Variants in ANGPT1 observed in about 807,000 individuals in gnomAD.
ANGPT1 encodes the protein angiopoietin 1, also known as angiopoietin-1.
Under a neutral mutation model 62.2 loss-of-function variants are expected in ANGPT1, and 17 were observed. The ratio of observed to expected loss-of-function variants is 0.27; its 90% confidence interval spans 0.19 to 0.41. ANGPT1 has a LOEUF of 0.41. Among genes scored for constraint, ANGPT1 ranks in the 10% least tolerant of loss-of-function variants. The pLI, the probability that ANGPT1 is intolerant of heterozygous loss-of-function variation, is 1.00. For missense variants in ANGPT1, 478 were observed against 594.9 expected, an observed-to-expected ratio of 0.80 and a Z score of 2.04; for synonymous variants, 199 against 198.9, an observed-to-expected ratio of 1.00 and a Z score of 0.00.
chr8:107,406,612 G>C (rs562474930), intron 1 of ANGPT1, among the ~76,000 whole-genome samples: 40 of 151,868 alleles, frequency 2.6e-4, no homozygotes, highest in Non-Finnish European at 5.0e-4. Context: ...GTAGTCTTTC[G>C]AGTCTCATAT....
At chr8:107,392,703 C>T (rs1423853939) in intron 1 of ANGPT1, among the ~76,000 whole-genome samples, 3 of 152,106 alleles carry the variant, frequency 2.0e-5, no homozygotes. Flanking sequence ...CTGTTCTTCT[C>T]ACAAATTATT....
chr8:107,489,800 G>A (rs1308724113), intron 1 of ANGPT1, among the ~76,000 whole-genome samples: 1 of 152,082 alleles, frequency 6.6e-6, no homozygotes, highest in Non-Finnish European at 1.5e-5. Context: ...AGACCATGGG[G>A]CCAAAACCAA....
chr8:107,332,040 C>T (rs553725934), intron 3 of ANGPT1, among the ~76,000 whole-genome samples: 6 of 152,250 alleles, frequency 3.9e-5, no homozygotes, highest in African/African-American at 1.2e-4. Context: ...GTTGACCAAA[C>T]CTTTCGACTA....
intron 4 of ANGPT1, among the ~76,000 whole-genome samples, chr8:107,306,655 C>A (rs554408071): frequency 2.0e-5 from 3 of 151,998 alleles, no homozygotes; most frequent in South Asian, 4.2e-4. Context: ...AGTGTCAGCA[C>A]CAGTGATAAG....
chr8:107,363,560 C>T lies in ANGPT1; in HGVS notation c.298-16463G>A, dbSNP rs1332150426. 5.8e-4 allele frequency among the ~76,000 whole-genome samples: 89 copies of T among 152,188 alleles called. 1 individual carries two copies. Among genetic ancestry groups the T allele is most frequent in the Non-Finnish European group, 1.5e-5 (1 of 68,036 alleles). Reference sequence around the variant, plus strand: ...TAGCTGTGTGACTTTGAGCAAGTTGCTTTCCCTCTCTGTGCTTTAGCTTCT... The same window carrying T: ...TAGCTGTGTGACTTTGAGCAAGTTGTTTTCCCTCTCTGTGCTTTAGCTTCT... On this transcript the variant is annotated intron_variant, in intron 1 of 8. Coordinates refer to ENST00000517746, the MANE Select transcript of ANGPT1 (RefSeq NM_001146.5).
intron 4 of ANGPT1, among the ~76,000 whole-genome samples, chr8:107,317,923 G>A (rs1326639167): frequency 6.6e-6 from 1 of 152,068 alleles, no homozygotes; most frequent in Admixed American, 6.6e-5. Context: ...GAGCCACCGC[G>A]CCTGGCCAAC....
chr8:107,389,891 T>G (rs550326072), intron 1 of ANGPT1, among the ~76,000 whole-genome samples: 1 of 152,120 alleles, frequency 6.6e-6, no homozygotes, highest in East Asian at 1.9e-4. Flanking sequence ...CTGTACATTC[T>G]TCATTCTTAC....
chr8:107,409,051 A>G (rs1389291549), intron 1 of ANGPT1, among the ~76,000 whole-genome samples: 2 of 148,050 alleles, frequency 1.4e-5, no homozygotes, highest in Admixed American at 6.7e-5. Flanking sequence ...AGTAAAAATG[A>G]TCATAGACAA....
intron 1 of ANGPT1, among the ~76,000 whole-genome samples, chr8:107,394,847 C>T (rs546556510): frequency 5.3e-5 from 8 of 152,162 alleles, no homozygotes; most frequent in Admixed American, 2.0e-4. Flanking sequence ...ATTAAAGCAA[C>T]GTGGAACATT....
intron 1 of ANGPT1, among the ~76,000 whole-genome samples, chr8:107,375,582 G>T (rs1816514220): frequency 1.3e-5 from 2 of 152,168 alleles, no homozygotes; most frequent in Non-Finnish European, 2.9e-5. Flanking sequence ...AACCACAGGA[G>T]ACAGACCTGA....
At chr8:107,299,680 ATATT>A (rs1332666605) in intron 5 of ANGPT1, among the ~76,000 whole-genome samples, 3 of 136,570 alleles carry the variant, frequency 2.2e-5, no homozygotes, top group African/African-American at 7.9e-5. Context: ...GTTATATAGT[ATATT>A]TAGATACATA....
chr8:107,359,592 T>C (rs1816117533), intron 1 of ANGPT1, among the ~76,000 whole-genome samples: 1 of 152,186 alleles, frequency 6.6e-6, no homozygotes, highest in African/African-American at 2.4e-5. Context: ...TTCCATTGAA[T>C]AGACAAGATA....
chr8:107,497,444 C>T lies in ANGPT1; in HGVS notation c.115G>A (p.Gly39Arg). ...SGRRYNRIQH[G>R]QCAYTFILPE... ...AGAATGAAAGTGTAGGCACATTGCC[C>T]ATGTTGAATCCGGTTATATCTTCTC... Residue 39 changes from glycine to arginine, a missense_variant, in exon 1 of 9, where the codon GGG becomes AGG. Around this residue, in one of 4 missense-constraint regions of ANGPT1, gnomAD observed 343 missense variants for 355.4 expected, o/e 0.97. Transcript: ENST00000517746. The T allele has an allele frequency of 1.2e-6, 2 of 1,614,106 alleles. No individual in the cohort carries two copies. The highest frequency in any genetic ancestry group is 2.2e-5 in the East Asian group (1 of 44,862).
intron 1 of ANGPT1, among the ~76,000 whole-genome samples, chr8:107,370,340 AAAAGAAAGAAAG>A (rs71308727): frequency 0.012 from 650 of 54,410 alleles, 58 homozygotes; most frequent in African/African-American, 0.039. Context: ...GAAAGAAAGA[AAAAGAAAGAAAG>A]AAAGAAAGAA....
intron 7 of ANGPT1, among the ~76,000 whole-genome samples, chr8:107,273,522 G>T (rs1813789000): frequency 6.6e-6 from 1 of 151,922 alleles, no homozygotes; most frequent in East Asian, 1.9e-4. Context: ...GCACAGTAAA[G>T]CCCTGCATAC....
intron 1 of ANGPT1, among the ~76,000 whole-genome samples, chr8:107,438,577 A>G (rs1811394604): frequency 6.6e-6 from 1 of 152,196 alleles, no homozygotes; most frequent in Non-Finnish European, 1.5e-5. Context: ...TATGAAAACA[A>G]TCTTCAAAGA....
In ANGPT1 at chr8:107,250,921, A is replaced by T. The variant is rs1363719135; in HGVS notation, c.*934T>A. ...AGAGTACTTGCTTTTACTTCAACTT[A>T]ACATACTCCAAAATATTGCTTTCCT... On this transcript the variant is annotated 3_prime_UTR_variant, in exon 9 of 9. Transcript: ENST00000517746. 1 of 152,162 alleles carries T rather than the reference A, an allele frequency of 6.6e-6. No individual in the cohort carries two copies. The highest frequency in any genetic ancestry group is 1.5e-5 in the Non-Finnish European group (1 of 67,992). 9.4% of individuals were successfully genotyped at this position (152,162 alleles called of 1,614,324 possible). A position where few individuals can be genotyped will look rare whatever the true frequency, so the allele number is the denominator to read the frequency against.
intron 1 of ANGPT1, among the ~76,000 whole-genome samples, chr8:107,424,032 G>C (rs1810972542): frequency 6.6e-6 from 1 of 151,070 alleles, no homozygotes; most frequent in South Asian, 2.1e-4. Flanking sequence ...GTAGAGACAG[G>C]GTTTCACCAT....
chr8:107,457,559 AATAG>A (rs1811950416), intron 1 of ANGPT1, among the ~76,000 whole-genome samples: 1 of 152,130 alleles, frequency 6.6e-6, no homozygotes, highest in Admixed American at 6.6e-5. Flanking sequence ...AATGTACAAT[AATAG>A]ATAAAGCTTT....
Sources: allele counts gnomAD v4.1 joint callset (sites outside exome capture counted in the v4.1 genomes callset), GRCh38; gene constraint gnomAD v4.1.1; regional missense constraint gnomAD v4.1.1; transcripts MANE v1.5; gene names NCBI Gene and HGNC (gene_info 2026-07-23, HGNC 2026-07-21).